Variants in SPOCK3 observed in about 807,000 individuals in gnomAD.
SPOCK3 encodes testican-3.
Under a neutral mutation model 56.6 loss-of-function variants are expected in SPOCK3, and 30 were observed. The observed-to-expected ratio is 0.53, with a 90% CI of 0.40 to 0.72. The LOEUF is 0.72. SPOCK3 is among the 30% of genes least tolerant of loss of function. SPOCK3 has a pLI of 0.00. For synonymous variants in SPOCK3, 196 were observed against 183.3 expected (o/e 1.07, Z -0.56); for missense variants, 527 against 530.0 (o/e 0.99, Z 0.06).
At chr4:166,927,578 C>T (rs1739261556) in intron 4 of SPOCK3, among the ~76,000 whole-genome samples, 1 of 152,104 alleles carries the variant, frequency 6.6e-6, no homozygotes, top group African/African-American at 2.4e-5. Flanking sequence ...AAATGTAACT[C>T]AAAACGTATC....
intron 2 of SPOCK3, among the ~76,000 whole-genome samples, chr4:167,083,018 C>A (rs144696327): frequency 6.6e-6 from 1 of 151,920 alleles, no homozygotes; most frequent in South Asian, 2.1e-4. Flanking sequence ...GTTCTCCTGT[C>A]GGATATTAAC....
chr4:166,919,100 A>G (rs945929428), intron 4 of SPOCK3, among the ~76,000 whole-genome samples: 4 of 152,182 alleles, frequency 2.6e-5, no homozygotes, highest in African/African-American at 9.7e-5. Flanking sequence ...TTTCTTTATA[A>G]TTAAGCCAGT....
chr4:166,852,413 G>A (rs1730222179), intron 6 of SPOCK3, among the ~76,000 whole-genome samples: 1 of 152,088 alleles, frequency 6.6e-6, no homozygotes, highest in Admixed American at 6.5e-5. Flanking sequence ...AGGTCAGACA[G>A]GACCCATTAA....
At chr4:167,052,439 T>G (rs946886114) in intron 3 of SPOCK3, among the ~76,000 whole-genome samples, 2 of 152,288 alleles carry the variant, frequency 1.3e-5, no homozygotes, top group East Asian at 3.9e-4. Flanking sequence ...TTATTAGAAG[T>G]TGAATGTCTA....
In SPOCK3 at chr4:167,205,555, A is replaced by AT. The variant is rs1360501078; in HGVS notation, c.189+28429dup. Among the ~76,000 whole-genome samples, 181 of 71,578 alleles carry AT rather than the reference A, an allele frequency of 2.5e-3. 1 individual carries two copies. Among genetic ancestry groups the AT allele is most frequent in the Non-Finnish European group, 3.1e-3 (127 of 41,500 alleles). The allele number at this position is 71,578 out of a possible 152,430, so 47.0% of individuals were successfully genotyped here. A position where few individuals can be genotyped will look rare whatever the true frequency, so the allele number is the denominator to read the frequency against. ...TTATATAATATATATTATATAATATATAATATATATTATATATATAATATA... is the reference window on the plus strand; with the variant it reads ...TTATATAATATATATTATATAATATATTAATATATATTATATATATAATATA... On this transcript the variant is annotated intron_variant, in intron 2 of 10. Transcript: ENST00000357545.
At chr4:166,754,017 GA>G (rs1214695137) in intron 8 of SPOCK3, 31 of 790,662 alleles carry the variant, frequency 3.9e-5, no homozygotes, top group Non-Finnish European at 4.3e-5. Flanking sequence ...AAGCTATTTT[GA>G]AAAGTTTGAA....
intron 4 of SPOCK3, among the ~76,000 whole-genome samples, chr4:166,965,458 A>G (rs1215474282): frequency 1.4e-5 from 2 of 144,032 alleles, no homozygotes; most frequent in East Asian, 4.1e-4. Flanking sequence ...AATTTTGCAG[A>G]CTCTGGTTTG....
At chr4:167,183,672 T>C (rs1243202166) in intron 2 of SPOCK3, among the ~76,000 whole-genome samples, 1 of 152,188 alleles carries the variant, frequency 6.6e-6, no homozygotes, top group Non-Finnish European at 1.5e-5. Flanking sequence ...CCACATAAAA[T>C]TATAGTTTGC....
intron 2 of SPOCK3, among the ~76,000 whole-genome samples, chr4:167,203,660 C>A (rs1262698292): frequency 6.6e-6 from 1 of 151,748 alleles, no homozygotes; most frequent in Non-Finnish European, 1.5e-5. Context: ...GCTACAACAG[C>A]CAATTACGAC....
In SPOCK3 at chr4:167,205,347, A is replaced by C. The variant is rs1314174292; in HGVS notation, c.189+28638T>G. ...ATATAATATATATTATATATTATAT[A>C]TATAATATATATATTATATATTTTA... On this transcript the variant is annotated intron_variant, in intron 2 of 10. Transcript: ENST00000357545. 5.0e-3 allele frequency among the ~76,000 whole-genome samples: 196 copies of C among 39,214 alleles called. 2 individuals are homozygous for C. The highest frequency in any genetic ancestry group is 7.4e-3 in the African/African-American group (53 of 7,184). 25.7% of individuals were successfully genotyped at this position (39,214 alleles called of 152,430 possible).
chr4:166,751,785 G>A (rs978097730), intron 8 of SPOCK3, among the ~76,000 whole-genome samples: 1 of 152,050 alleles, frequency 6.6e-6, no homozygotes, highest in African/African-American at 2.4e-5. Context: ...ATACTTTTAT[G>A]AAAGCACATT....
intron 3 of SPOCK3, among the ~76,000 whole-genome samples, chr4:167,031,392 C>G (rs1752259229): frequency 6.6e-6 from 1 of 151,808 alleles, no homozygotes; most frequent in Non-Finnish European, 1.5e-5. Context: ...AAATATTATC[C>G]CGTTTTACTA....
At chr4:167,103,546 A>C (rs988440583) in intron 2 of SPOCK3, among the ~76,000 whole-genome samples, 3 of 152,152 alleles carry the variant, frequency 2.0e-5, no homozygotes, top group Non-Finnish European at 4.4e-5. Context: ...TTTGTCTTGC[A>C]GTTTCAACAC....
intron 5 of SPOCK3, among the ~76,000 whole-genome samples, chr4:166,897,292 G>T (rs988369939): frequency 3.7e-4 from 57 of 152,228 alleles, no homozygotes; most frequent in African/African-American, 1.3e-3. Flanking sequence ...TGTGCCTTGT[G>T]GGAGCAGAGA....
intron 2 of SPOCK3, among the ~76,000 whole-genome samples, chr4:167,186,613 G>A (rs536581374): frequency 6.7e-4 from 101 of 151,130 alleles, no homozygotes; most frequent in African/African-American, 2.3e-3. Flanking sequence ...GACAACAAGA[G>A]CAAAACTCTG....
At chr4:167,011,867 T>C (rs1202133338) in intron 3 of SPOCK3, among the ~76,000 whole-genome samples, 2 of 152,104 alleles carry the variant, frequency 1.3e-5, no homozygotes, top group Non-Finnish European at 1.5e-5. Flanking sequence ...GTATGCTTTT[T>C]ACAACTGTGC....
chr4:166,841,714 G>C (rs1455492659), intron 6 of SPOCK3, among the ~76,000 whole-genome samples: 1 of 152,178 alleles, frequency 6.6e-6, no homozygotes, highest in Non-Finnish European at 1.5e-5. Flanking sequence ...TGTGCCTGTG[G>C]AAGGCAGAAT....
chr4:167,127,009 C>T (rs1762337718), intron 2 of SPOCK3, among the ~76,000 whole-genome samples: 4 of 152,090 alleles, frequency 2.6e-5, no homozygotes, highest in South Asian at 2.1e-4. Context: ...ACAGCCAGGA[C>T]GTGTCCTGGT....
At chr4:166,807,619 A>G (rs978902944) in intron 6 of SPOCK3, among the ~76,000 whole-genome samples, 1 of 152,154 alleles carries the variant, frequency 6.6e-6, no homozygotes, top group Non-Finnish European at 1.5e-5. Context: ...GCACTCAACA[A>G]TACCTTTTTG....
Sources: allele counts gnomAD v4.1 joint callset (sites outside exome capture counted in the v4.1 genomes callset), GRCh38; gene constraint gnomAD v4.1.1; transcripts MANE v1.5; gene names NCBI Gene and HGNC (gene_info 2026-07-23, HGNC 2026-07-21).